Variants in CDH12 observed in about 807,000 individuals in gnomAD.
The protein encoded by CDH12 is cadherin-12.
CDH12 carries 41 observed loss-of-function variants against 74.1 expected under a neutral mutation model. The ratio of observed to expected loss-of-function variants is 0.55; its 90% CI spans 0.43 to 0.72. The LOEUF (loss-of-function observed/expected upper bound fraction) is 0.72. Ranked by LOEUF, CDH12 falls within the 30% of genes least tolerant of loss-of-function variation. CDH12 has a pLI of 0.00. For missense variants in CDH12, 945 were observed against 977.2 expected, an observed-to-expected ratio of 0.97 and a Z score of 0.44; for synonymous variants, 399 against 355.0, an observed-to-expected ratio of 1.12 and a Z score of -1.39.
intron 3 of CDH12, among the ~76,000 whole-genome samples, chr5:22,244,997 G>A (rs953178273): frequency 1.6e-4 from 25 of 152,124 alleles, no homozygotes; most frequent in African/African-American, 6.0e-4. Context: ...GGACCTTGAA[G>A]CAGGGCCCGC....
At chr5:22,347,080 T>C (rs1290799349) in intron 3 of CDH12, among the ~76,000 whole-genome samples, 2 of 152,236 alleles carry the variant, frequency 1.3e-5, no homozygotes, top group African/African-American at 4.8e-5. Context: ...ATTGTTGCTA[T>C]ATAAGCCATG....
intron 1 of CDH12, among the ~76,000 whole-genome samples, chr5:22,837,602 G>C (rs907006736): frequency 2.6e-5 from 4 of 152,144 alleles, no homozygotes; most frequent in Admixed American, 6.6e-5. Context: ...ATTATGAAGA[G>C]AGTAAAGGAT....
intron 1 of CDH12, among the ~76,000 whole-genome samples, chr5:22,839,490 G>C (rs1256563038): frequency 1.3e-5 from 2 of 151,576 alleles, no homozygotes; most frequent in African/African-American, 4.8e-5. Flanking sequence ...CGAGTAGCTG[G>C]GAATACAGGC....
chr5:21,880,906 C>A (rs1288172534), intron 6 of CDH12, among the ~76,000 whole-genome samples: 1 of 151,724 alleles, frequency 6.6e-6, no homozygotes, highest in Admixed American at 6.6e-5. Flanking sequence ...AGAGTTGAAT[C>A]GTCCATCATT....
At chr5:22,790,073 G>A (rs180773635) in intron 1 of CDH12, among the ~76,000 whole-genome samples, 126 of 152,216 alleles carry the variant, frequency 8.3e-4, no homozygotes, top group African/African-American at 2.8e-3. Flanking sequence ...TTTAAGTCAA[G>A]TGATGATGTG....
intron 11 of CDH12, among the ~76,000 whole-genome samples, chr5:21,773,705 T>C (rs1426298733): frequency 6.6e-6 from 1 of 152,136 alleles, no homozygotes; most frequent in Non-Finnish European, 1.5e-5. Flanking sequence ...TAAACTCCCC[T>C]TCAGATATTC....
chr5:22,308,531 G>T (rs1488182541), intron 3 of CDH12, among the ~76,000 whole-genome samples: 1 of 152,068 alleles, frequency 6.6e-6, no homozygotes, highest in African/African-American at 2.4e-5. Context: ...CAATTGTTCT[G>T]AAATTAAATT....
At chr5:22,075,437 T>C (rs546647008) in intron 5 of CDH12, among the ~76,000 whole-genome samples, 6 of 152,066 alleles carry the variant, frequency 3.9e-5, no homozygotes, top group Admixed American at 1.3e-4. Context: ...GTTGTGCACA[T>C]GTACCCTAAA....
In CDH12 at chr5:21,773,478, C is replaced by T. The variant is rs368479079; in HGVS notation, c.1394-8379G>A. On this transcript the variant is annotated intron_variant, in intron 11 of 14. Coordinates refer to ENST00000382254, the MANE Select transcript of CDH12 (RefSeq NM_004061.5). Reference sequence around the variant, plus strand: ...ACCTGTGCTGGATCCTTCCTGCCCTCGAACATCAGACTCCAAGTTCTTCAG... The same window carrying T: ...ACCTGTGCTGGATCCTTCCTGCCCTTGAACATCAGACTCCAAGTTCTTCAG... Among the ~76,000 whole-genome samples, 8 of 152,272 alleles carry T rather than the reference C, an allele frequency of 5.3e-5. No homozygotes were observed. The East Asian group carries it at 9.6e-4, about 18-fold the overall frequency.
At chr5:21,847,826 C>A (rs956024671) in intron 7 of CDH12, among the ~76,000 whole-genome samples, 2 of 152,100 alleles carry the variant, frequency 1.3e-5, no homozygotes, top group African/African-American at 4.8e-5. Context: ...CTAACATTCT[C>A]TCCTTAGTCT....
In CDH12 at chr5:21,800,028, C is replaced by T. The variant is rs561136541; in HGVS notation, c.1256+2139G>A. Among the ~76,000 whole-genome samples, 4 of 152,126 alleles carry T rather than the reference C, an allele frequency of 2.6e-5. No individual in the cohort carries two copies. In the South Asian group the frequency reaches 8.3e-4, roughly 32 times the overall value. On this transcript the variant is annotated intron_variant, in intron 10 of 14. Transcript: ENST00000382254. The stretch of plus-strand genomic sequence containing the variant: ...TGAGACTAAGGTTTAATGGAGTTTC[C>T]CCTGTTAGGTTTTGGACTTACATTG...
intron 5 of CDH12, among the ~76,000 whole-genome samples, chr5:22,050,306 A>G (rs947781406): frequency 1.3e-5 from 2 of 151,986 alleles, no homozygotes; most frequent in African/African-American, 4.8e-5. Context: ...GGAATTATCT[A>G]TTCATTTCTA....
intron 1 of CDH12, among the ~76,000 whole-genome samples, chr5:22,759,471 ACTGAATAGATCTCTCAT>A (rs1746097437): frequency 6.6e-6 from 1 of 152,124 alleles, no homozygotes; most frequent in African/African-American, 2.4e-5. Context: ...CCTCGAAGCA[ACTGAATAGATCTCTCAT>A]CAGGACTTAC....
At chr5:22,501,654 G>A (rs1209082771) in intron 2 of CDH12, among the ~76,000 whole-genome samples, 1 of 151,496 alleles carries the variant, frequency 6.6e-6, no homozygotes, top group African/African-American at 2.4e-5. Context: ...TTCTTCAGAT[G>A]TGCTAATTGC....
At chr5:22,526,355 T>C (rs2126694626) in intron 1 of CDH12, among the ~76,000 whole-genome samples, 1 of 152,294 alleles carries the variant, frequency 6.6e-6, no homozygotes, top group African/African-American at 2.4e-5. Flanking sequence ...AAGGGAAAGG[T>C]GATCAATATT....
At chr5:22,138,546 A>G (rs1229775518) in intron 4 of CDH12, among the ~76,000 whole-genome samples, 1 of 151,056 alleles carries the variant, frequency 6.6e-6, no homozygotes, top group Non-Finnish European at 1.5e-5. Context: ...TCTTCCTTTT[A>G]TATTTATCAA....
At chr5:22,529,765 T>A (rs1737504198) in intron 1 of CDH12, among the ~76,000 whole-genome samples, 1 of 152,170 alleles carries the variant, frequency 6.6e-6, no homozygotes, top group Non-Finnish European at 1.5e-5. Context: ...ATTGGCTATC[T>A]TTTTATCTGA....
intron 4 of CDH12, among the ~76,000 whole-genome samples, chr5:22,117,523 A>ATATATATATAATAT (rs1347655379): frequency 3.0e-5 from 2 of 65,582 alleles, no homozygotes; most frequent in African/African-American, 1.2e-4. Flanking sequence ...ATATATATAT[A>ATATATATATAATAT]ATATATATAT....
intron 1 of CDH12, among the ~76,000 whole-genome samples, chr5:22,554,961 GT>G (rs1341385286): frequency 3.3e-5 from 5 of 151,990 alleles, no homozygotes; most frequent in African/African-American, 1.2e-4. Context: ...ACAAAAAGCT[GT>G]TTACCCAAAG....
Sources: gnomAD v4.1 joint callset for allele counts (sites outside exome capture counted in the v4.1 genomes callset) on GRCh38, gnomAD v4.1.1 for gene constraint, MANE v1.5 for transcripts, NCBI Gene and HGNC (gene_info 2026-07-23, HGNC 2026-07-21) for gene names.